Variants in NRXN1 observed in about 807,000 individuals in gnomAD.
The protein encoded by NRXN1 is neurexin 1.
In NRXN1, 39 loss-of-function variants were observed where a neutral mutation model predicts 150.9. The ratio of observed to expected loss-of-function variants is 0.26; its 90% CI spans 0.20 to 0.34. The LOEUF (loss-of-function observed/expected upper bound fraction) is 0.34. Ranked by LOEUF, NRXN1 falls within the 10% of genes least tolerant of loss-of-function variation. The pLI is 1.00. For synonymous variants in NRXN1, 924 were observed against 757.0 expected, an observed-to-expected ratio of 1.22 and a Z score of -3.62; for missense variants, 1,815 against 1,949.9, an observed-to-expected ratio of 0.93 and a Z score of 1.30.
At chr2:50,941,866 A>G (rs953385257) in intron 2 of NRXN1, among the ~76,000 whole-genome samples, 2 of 152,154 alleles carry the variant, frequency 1.3e-5, no homozygotes, top group Admixed American at 1.3e-4. Flanking sequence ...AATTTGCATA[A>G]CTAAAGAGAA....
chr2:50,911,504 T>C (rs540431956), intron 5 of NRXN1, among the ~76,000 whole-genome samples: 7 of 152,084 alleles, frequency 4.6e-5, no homozygotes, highest in African/African-American at 1.7e-4. Context: ...ACCAAATTTC[T>C]ACCCCAATAA....
intron 22 of NRXN1, chr2:49,926,430 T>C: frequency 2.5e-6 from 1 of 398,366 alleles, no homozygotes; most frequent in South Asian, 1.3e-4. Flanking sequence ...TTCTTGTTTT[T>C]TGTTGTCTAA....
intron 2 of NRXN1, among the ~76,000 whole-genome samples, chr2:50,929,470 T>G (rs2104374888): frequency 6.6e-6 from 1 of 152,204 alleles, no homozygotes; most frequent in African/African-American, 2.4e-5. Flanking sequence ...ATTCCTTTAC[T>G]TCTTTAATTT....
At chr2:50,290,321 G>C (rs2072755094) in intron 17 of NRXN1, among the ~76,000 whole-genome samples, 1 of 152,098 alleles carries the variant, frequency 6.6e-6, no homozygotes, top group South Asian at 2.1e-4. Flanking sequence ...CTAAACAAAA[G>C]CAATTTATTC....
At chr2:50,830,029 A>AAAAAAAAAAAAT in intron 5 of NRXN1, among the ~76,000 whole-genome samples, 1 of 128,660 alleles carries the variant, frequency 7.8e-6, no homozygotes, top group East Asian at 2.1e-4. Flanking sequence ...AAAAAAAAAA[A>AAAAAAAAAAAAT]AGCTCATTTC....
intron 21 of NRXN1, among the ~76,000 whole-genome samples, chr2:49,946,823 G>A (rs1002610688): frequency 6.6e-6 from 1 of 152,106 alleles, no homozygotes; most frequent in African/African-American, 2.4e-5. Context: ...ATGCTACAAG[G>A]CTACAGTAAC....
At chr2:50,551,551 T>G (rs1313396770) in intron 9 of NRXN1, among the ~76,000 whole-genome samples, 2 of 152,122 alleles carry the variant, frequency 1.3e-5, no homozygotes, top group Non-Finnish European at 2.9e-5. Context: ...CACAGATTAC[T>G]GAGTCTAAAA....
intron 18 of NRXN1, among the ~76,000 whole-genome samples, chr2:50,180,924 G>T (rs142374087): frequency 1.3e-3 from 196 of 152,080 alleles, no homozygotes; most frequent in South Asian, 2.9e-3. Flanking sequence ...GTTTTCCATT[G>T]ACAGGTGTTC....
intron 5 of NRXN1, among the ~76,000 whole-genome samples, chr2:50,817,595 C>A (rs1047004964): frequency 6.6e-6 from 1 of 151,868 alleles, no homozygotes; most frequent in Non-Finnish European, 1.5e-5. Context: ...AACACAGATG[C>A]AAAAATTCAC....
At chr2:50,019,443 G>C (rs1417766067) in intron 21 of NRXN1, among the ~76,000 whole-genome samples, 1 of 151,010 alleles carries the variant, frequency 6.6e-6, no homozygotes, top group Non-Finnish European at 1.5e-5. Flanking sequence ...AGGAGTTCAA[G>C]ACCAGCCTGC....
intron 21 of NRXN1, among the ~76,000 whole-genome samples, chr2:49,949,140 C>G (rs999088535): frequency 6.6e-6 from 1 of 151,916 alleles, no homozygotes; most frequent in African/African-American, 2.4e-5. Flanking sequence ...AGAAATATGT[C>G]AGGACGGGGG....
chr2:50,048,842 T>C (rs1692247589), intron 21 of NRXN1, among the ~76,000 whole-genome samples: 2 of 152,174 alleles, frequency 1.3e-5, no homozygotes, highest in Non-Finnish European at 2.9e-5. Flanking sequence ...ACTGCTCCAA[T>C]ACATTTCACT....
At chr2:50,269,988 AATTAAATTATTAG>A (rs1163975043) in intron 17 of NRXN1, among the ~76,000 whole-genome samples, 1 of 152,168 alleles carries the variant, frequency 6.6e-6, no homozygotes, top group Non-Finnish European at 1.5e-5. Context: ...AATTAAATTA[AATTAAATTATTAG>A]ATTAAATTAA....
chr2:50,431,006 T>C (rs1192566772), intron 17 of NRXN1, among the ~76,000 whole-genome samples: 1 of 152,190 alleles, frequency 6.6e-6, no homozygotes, highest in Non-Finnish European at 1.5e-5. Flanking sequence ...ACTGCCACCA[T>C]GCCTCAACCT....
chr2:50,356,277 TAA>T (rs1221465614), intron 17 of NRXN1, among the ~76,000 whole-genome samples: 2 of 152,168 alleles, frequency 1.3e-5, no homozygotes, highest in Non-Finnish European at 2.9e-5. Context: ...AGACTAGCTA[TAA>T]GAGTTGGAAA....
intron 5 of NRXN1, among the ~76,000 whole-genome samples, chr2:50,741,872 T>C (rs1699471154): frequency 6.6e-6 from 1 of 152,176 alleles, no homozygotes; most frequent in Admixed American, 6.5e-5. Flanking sequence ...TCTTCTGTTC[T>C]TTCCTGCTCC....
intron 5 of NRXN1, chr2:50,758,162 T>C (rs1701377321): frequency 1.3e-5 from 2 of 151,772 alleles, no homozygotes; most frequent in South Asian, 4.1e-4. Flanking sequence ...GAAATAGAAA[T>C]AGTTTAACCA....
chr2:50,323,996 A>G (rs1199585057), intron 17 of NRXN1, among the ~76,000 whole-genome samples: 2 of 152,216 alleles, frequency 1.3e-5, no homozygotes, highest in African/African-American at 2.4e-5. Context: ...GAATCACAGA[A>G]AGAGCTGGAA....
At chr2:50,072,538 A>AAG (rs1055245907) in intron 19 of NRXN1, among the ~76,000 whole-genome samples, 2 of 151,784 alleles carry the variant, frequency 1.3e-5, no homozygotes, top group Non-Finnish European at 2.9e-5. Flanking sequence ...TTTAAAAAAA[A>AAG]AAAAAGAAAA....
Sources: gnomAD v4.1 joint callset for allele counts (sites outside exome capture counted in the v4.1 genomes callset) on GRCh38, gnomAD v4.1.1 for gene constraint, MANE v1.5 for transcripts, NCBI Gene and HGNC (gene_info 2026-07-23, HGNC 2026-07-21) for gene names.